Variants in CDHR2 observed in about 807,000 individuals in gnomAD.
CDHR2 encodes cadherin-related family member 2.
Under a neutral mutation model 138.6 loss-of-function variants are expected in CDHR2, and 104 were observed. That is an observed-to-expected ratio of 0.75 (90% CI 0.64 to 0.88). The LOEUF is 0.88. Ranked by LOEUF, CDHR2 falls within the 40% of genes least tolerant of loss-of-function variation. CDHR2 has a pLI of 0.00. For missense variants in CDHR2, 1,624 were observed against 1,727.6 expected (o/e 0.94, Z 1.06); for synonymous variants, 755 against 742.8 (o/e 1.02, Z -0.27).
chr5:176,595,742 A>T lies in CDHR2; in HGVS notation c.*70A>T, dbSNP rs1356624849. 10 of 1,383,602 alleles carry T rather than the reference A, an allele frequency of 7.2e-6. No homozygotes were observed. In the Admixed American group the frequency reaches 2.6e-4, roughly 36 times the overall value. The allele number at this position is 1,383,602 out of a possible 1,614,324, so 85.7% of individuals were successfully genotyped here. A position where few individuals can be genotyped will look rare whatever the true frequency, so the allele number is the denominator to read the frequency against. ...ACCCTAACTGCACCTGTCTCCCTGG[A>T]GATGAAAATATATGACGCTGCCCTG... On this transcript the variant is annotated 3_prime_UTR_variant, in exon 32 of 32. Transcript: ENST00000261944.
chr5:176,562,522 C>T (rs759507722), intron 1 of CDHR2, among the ~76,000 whole-genome samples: 2 of 152,142 alleles, frequency 1.3e-5, no homozygotes, highest in Non-Finnish European at 2.9e-5. Flanking sequence ...AAGCCATCCT[C>T]TACCCCCACT....
chr5:176,585,372 CA>C (rs1169696707), intron 19 of CDHR2, among the ~76,000 whole-genome samples: 1 of 152,148 alleles, frequency 6.6e-6, no homozygotes, highest in African/African-American at 2.4e-5. Context: ...CACCAAATAG[CA>C]ATAATAATCA....
chr5:176,575,278 A>G lies in CDHR2; in HGVS notation c.622-2A>G. 1.2e-6 allele frequency: 2 copies of G among 1,614,162 alleles called. No homozygotes were observed. The highest frequency in any genetic ancestry group is 1.7e-6 in the Non-Finnish European group (2 of 1,180,026). Reference sequence around the variant, plus strand: ...GGCTCACGGGTGGCCATCTCCCCGCAGGACTTGGGCGGCATGTACCACAAC... The same window carrying G: ...GGCTCACGGGTGGCCATCTCCCCGCGGGACTTGGGCGGCATGTACCACAAC... On this transcript the variant is annotated splice_acceptor_variant, in intron 8 of 31. Coordinates refer to ENST00000261944, the MANE Select transcript of CDHR2 (RefSeq NM_017675.6). LOFTEE classifies it high-confidence loss of function.
At chr5:176,590,747 C>CG (rs954590574) in intron 28 of CDHR2, 60 bp downstream of exon 28, 9 of 1,606,982 alleles carry the variant, frequency 5.6e-6, no homozygotes, top group South Asian at 2.2e-5. Flanking sequence ...CCCAAGACGT[C>CG]GGGGGGTAGG....
intron 7 of CDHR2, 64 bp from the exon 8 acceptor site, chr5:176,575,020 C>T: frequency 6.3e-7 from 1 of 1,595,594 alleles, no homozygotes; most frequent in Non-Finnish European, 8.6e-7. Flanking sequence ...CTGCGTTGCT[C>T]AGAGTGGGGT....
Position 176,569,046 on chromosome 5 carries a change from G to T in CDHR2, c.315+36G>T, listed in dbSNP as rs372652296. 1.2e-4 allele frequency: 196 copies of T among 1,609,316 alleles called. 1 individual carries two copies. The highest frequency in any genetic ancestry group is 1.4e-4 in the Non-Finnish European group (170 of 1,176,294). On this transcript the variant is annotated intron_variant, in intron 5 of 31. Coordinates refer to ENST00000261944, the MANE Select transcript of CDHR2 (RefSeq NM_017675.6). The stretch of plus-strand genomic sequence containing the variant: ...AGGTGCAGGGGGGTAGACAGGGATT[G>T]CGAGAGTCCATTCCTGATTGTGTCC...
chr5:176,555,217 TAGGTCAAC>T (rs965670736), intron 1 of CDHR2, among the ~76,000 whole-genome samples: 8 of 152,162 alleles, frequency 5.3e-5, no homozygotes, highest in African/African-American at 1.9e-4. Flanking sequence ...GTTGGATGAG[TAGGTCAAC>T]AGGGCAAACA....
chr5:176,549,134 G>C (rs1757649178), upstream of CDHR2, among the ~76,000 whole-genome samples: 1 of 152,162 alleles, frequency 6.6e-6, no homozygotes, highest in Non-Finnish European at 1.5e-5. Context: ...GGTCGGCCAG[G>C]CCCCTTCTCC....
intron 3 of CDHR2, among the ~76,000 whole-genome samples, chr5:176,566,044 C>T (rs1036840428): frequency 1.3e-5 from 2 of 152,080 alleles, no homozygotes; most frequent in South Asian, 2.1e-4. Context: ...CCTTGGGCCA[C>T]GCTTCCTCCT....
intron 1 of CDHR2, among the ~76,000 whole-genome samples, chr5:176,556,300 C>T (rs1297075421): frequency 6.6e-6 from 1 of 152,202 alleles, no homozygotes; most frequent in African/African-American, 2.4e-5. Context: ...GCCCAGGAGT[C>T]TGAGGCTGCC....
At chr5:176,545,851 C>T (rs897242516), upstream of CDHR2, among the ~76,000 whole-genome samples, 8 of 152,228 alleles carry the variant, frequency 5.3e-5, no homozygotes, top group Non-Finnish European at 8.8e-5. Context: ...TCCCAGGCTG[C>T]CTTGTGGCAG....
intron 1 of CDHR2, among the ~76,000 whole-genome samples, chr5:176,551,042 C>G (rs985843321): frequency 2.0e-5 from 3 of 152,226 alleles, no homozygotes; most frequent in African/African-American, 7.2e-5. Flanking sequence ...CGGATTCTCA[C>G]TCTGTTGCCC....
upstream of CDHR2, among the ~76,000 whole-genome samples, chr5:176,546,545 A>G (rs1373753994): frequency 6.6e-6 from 1 of 152,088 alleles, no homozygotes; most frequent in Non-Finnish European, 1.5e-5. Context: ...ACCGTCTTAG[A>G]GAGGTTATGC....
chr5:176,565,159 C>T, intron 1 of CDHR2, 179 bp from the exon 2 acceptor site: 1 of 596,512 alleles, frequency 1.7e-6, no homozygotes, highest in Non-Finnish European at 3.0e-6. Flanking sequence ...CACCTGGCCT[C>T]CCCCTTGGTT....
chr5:176,568,742 C>T lies in CDHR2; in HGVS notation c.189C>T (p.Ser63=), dbSNP rs752803658. 4 of 1,614,088 alleles carry T rather than the reference C, an allele frequency of 2.5e-6. No individual in the cohort carries two copies. Among genetic ancestry groups the T allele is most frequent in the African/African-American group, 2.7e-5 (2 of 74,942 alleles). ...QDNDPLTYGM[S]GPNAYFFAVT... is the part of the protein sequence containing the mutation. ...ATGACCCTCTGACCTATGGGATGAG[C>T]GGCCCCAATGCCTACTTCTTCGCTG... The change falls in exon 4 of 32, where the codon AGC becomes AGT. Residue 63 remains serine (S), a synonymous_variant. Coordinates refer to ENST00000261944, the MANE Select transcript of CDHR2 (RefSeq NM_017675.6).
intron 30 of CDHR2, among the ~76,000 whole-genome samples, chr5:176,592,239 ATGATGG>A (rs2113335867): frequency 1.6e-5 from 2 of 121,662 alleles, no homozygotes; most frequent in African/African-American, 6.6e-5. Flanking sequence ...GATGACAATG[ATGATGG>A]TGGTGGTGGT....
intron 6 of CDHR2, among the ~76,000 whole-genome samples, chr5:176,573,781 G>A (rs1313090764): frequency 6.6e-6 from 1 of 152,194 alleles, no homozygotes; most frequent in Non-Finnish European, 1.5e-5. Flanking sequence ...TGGGATGTCT[G>A]AGTGCGCAGT....
intron 31 of CDHR2, among the ~76,000 whole-genome samples, chr5:176,594,091 G>A (rs952715361): frequency 6.6e-6 from 1 of 152,218 alleles, no homozygotes; most frequent in African/African-American, 2.4e-5. Context: ...CCCCTGAGGT[G>A]TGGCTGGATC....
At chr5:176,591,769 ACGATGGTGGTGGTGGTGG>A in intron 30 of CDHR2, 1 of 17,288 alleles carries the variant, frequency 5.8e-5, no homozygotes. Flanking sequence ...GGTGATGATG[ACGATGGTGGTGGTGGTGG>A]TGGTGTTGGT....
Sources: allele counts gnomAD v4.1 joint callset (sites outside exome capture counted in the v4.1 genomes callset), GRCh38; gene constraint gnomAD v4.1.1; transcripts MANE v1.5; gene names NCBI Gene and HGNC (gene_info 2026-07-23, HGNC 2026-07-21).